ATRNL1: variants seen among roughly 807,000 people sequenced by gnomAD.
ATRNL1 encodes attractin-like protein 1.
Under a neutral mutation model 182.7 loss-of-function variants are expected in ATRNL1, and 95 were observed. The ratio of observed to expected loss-of-function variants is 0.52; its 90% CI spans 0.44 to 0.62. The LOEUF (loss-of-function observed/expected upper bound fraction) is 0.62, where lower values mean the gene tolerates loss of function less well. ATRNL1 is among the 20% of genes least tolerant of loss of function. The pLI, the probability that ATRNL1 is intolerant of heterozygous loss-of-function variation, is 0.00. For missense variants in ATRNL1, 1,471 were observed against 1,679.5 expected (o/e 0.88, Z 2.17); for synonymous variants, 576 against 568.3 (o/e 1.01, Z -0.19).
intron 27 of ATRNL1, among the ~76,000 whole-genome samples, chr10:115,731,800 T>C (rs951288102): frequency 2.6e-5 from 4 of 151,658 alleles, no homozygotes; most frequent in South Asian, 2.1e-4. Flanking sequence ...CCCCACATTT[T>C]TCTTCAGCCC....
At chr10:115,724,379 G>C (rs538924385) in intron 26 of ATRNL1, among the ~76,000 whole-genome samples, 38 of 152,148 alleles carry the variant, frequency 2.5e-4, no homozygotes, top group South Asian at 1.2e-3. Context: ...TGAAGAAAAT[G>C]GGCCTGTGGT....
intron 17 of ATRNL1, among the ~76,000 whole-genome samples, chr10:115,310,951 G>A (rs1853989369): frequency 6.6e-6 from 1 of 152,126 alleles, no homozygotes; most frequent in South Asian, 2.1e-4. Flanking sequence ...CAGGCATTTA[G>A]TACTATAAAC....
intron 9 of ATRNL1, among the ~76,000 whole-genome samples, chr10:115,221,152 C>G (rs1415358337): frequency 6.6e-6 from 1 of 152,164 alleles, no homozygotes; most frequent in African/African-American, 2.4e-5. Context: ...AGGTGGAGCT[C>G]AGGCAGTAAT....
intron 17 of ATRNL1, among the ~76,000 whole-genome samples, chr10:115,307,565 A>C (rs72836592): frequency 9.2e-5 from 14 of 152,128 alleles, no homozygotes; most frequent in African/African-American, 3.1e-4. Context: ...CCCGGCCTCC[A>C]CAGGTTTTTT....
At chr10:115,373,973 T>G (rs1293261755) in intron 19 of ATRNL1, among the ~76,000 whole-genome samples, 2 of 151,926 alleles carry the variant, frequency 1.3e-5, no homozygotes, top group Non-Finnish European at 2.9e-5. Context: ...TTTGGCAGAA[T>G]TCAGCAGGGA....
At chr10:115,282,212 TATATA>T (rs1340089506) in intron 14 of ATRNL1, among the ~76,000 whole-genome samples, 1 of 147,244 alleles carries the variant, frequency 6.8e-6, no homozygotes, top group Non-Finnish European at 1.5e-5. Context: ...TATATTATCC[TATATA>T]ATATAATTTT....
At chr10:115,522,032 T>C (rs1233154941) in intron 25 of ATRNL1, among the ~76,000 whole-genome samples, 1 of 152,140 alleles carries the variant, frequency 6.6e-6, no homozygotes, top group Non-Finnish European at 1.5e-5. Flanking sequence ...CTCAAACTCT[T>C]TGTTAGATTT....
At chr10:115,171,415 T>TTC in intron 8 of ATRNL1, 123 bp downstream of exon 8, 1 of 785,526 alleles carries the variant, frequency 1.3e-6, no homozygotes, top group Non-Finnish European at 1.8e-6. Flanking sequence ...AGCTGATAAT[T>TTC]AATAATTTTT....
intron 21 of ATRNL1, among the ~76,000 whole-genome samples, chr10:115,444,319 G>GT (rs1171584393): frequency 4.0e-5 from 6 of 149,616 alleles, no homozygotes; most frequent in African/African-American, 1.2e-4. Context: ...TTTTTCTTTT[G>GT]TTTTTTGGTG....
intron 26 of ATRNL1, among the ~76,000 whole-genome samples, chr10:115,578,122 A>G (rs1555005980): frequency 6.6e-6 from 1 of 151,768 alleles, no homozygotes; most frequent in Non-Finnish European, 1.5e-5. Context: ...CATGGTGAAT[A>G]ATCTTTTTGT....
chr10:115,192,845 CT>C (rs1191379283), intron 8 of ATRNL1, among the ~76,000 whole-genome samples: 3 of 151,550 alleles, frequency 2.0e-5, no homozygotes, highest in Admixed American at 2.0e-4. Context: ...AATGGGATTA[CT>C]TTTTTTTGGT....
intron 26 of ATRNL1, among the ~76,000 whole-genome samples, chr10:115,564,773 A>G (rs1853973117): frequency 6.6e-6 from 1 of 151,854 alleles, no homozygotes; most frequent in Non-Finnish European, 1.5e-5. Context: ...TTCTGAAGTT[A>G]TTTTATACAT....
At chr10:115,552,670 A>T (rs1156961816) in intron 26 of ATRNL1, among the ~76,000 whole-genome samples, 1 of 151,384 alleles carries the variant, frequency 6.6e-6, no homozygotes, top group Non-Finnish European at 1.5e-5. Context: ...TTCAGAGGAT[A>T]GTTAGTCATG....
chr10:115,765,281 G>A (rs746251897), intron 27 of ATRNL1, among the ~76,000 whole-genome samples: 12 of 152,142 alleles, frequency 7.9e-5, no homozygotes, highest in Non-Finnish European at 1.3e-4. Context: ...TTGCATTCCC[G>A]TGAGCAAAGA....
At chr10:115,606,969 T>C (rs1856907354) in intron 26 of ATRNL1, among the ~76,000 whole-genome samples, 1 of 151,980 alleles carries the variant, frequency 6.6e-6, no homozygotes, top group Non-Finnish European at 1.5e-5. Flanking sequence ...CAGTGATGCG[T>C]GATAAAGTAT....
chr10:115,447,606 G>A (rs10885712), intron 21 of ATRNL1, among the ~76,000 whole-genome samples: 33,592 of 151,632 alleles, frequency 0.22, 4,669 homozygotes, highest in Non-Finnish European at 0.31. Context: ...GCTAATATAT[G>A]CAGCCATAGT....
intron 15 of ATRNL1, among the ~76,000 whole-genome samples, chr10:115,295,056 G>T (rs1302185927): frequency 1.3e-5 from 2 of 152,134 alleles, no homozygotes; most frequent in Admixed American, 1.3e-4. Context: ...CAGTCACTTG[G>T]CTGACCTGGG....
At chr10:115,855,632 A>C (rs1410585527) in intron 28 of ATRNL1, among the ~76,000 whole-genome samples, 1 of 152,196 alleles carries the variant, frequency 6.6e-6, no homozygotes, top group Admixed American at 6.5e-5. Context: ...ATACTCCACA[A>C]ATGTATACTT....
At chr10:115,394,326 A>G (rs1844181363) in intron 19 of ATRNL1, among the ~76,000 whole-genome samples, 1 of 151,996 alleles carries the variant, frequency 6.6e-6, no homozygotes, top group Non-Finnish European at 1.5e-5. Context: ...TTTGAGTACA[A>G]AGCTCTGGCA....
Sources: allele counts gnomAD v4.1 joint callset (sites outside exome capture counted in the v4.1 genomes callset), GRCh38; gene constraint gnomAD v4.1.1; transcripts MANE v1.5; gene names NCBI Gene and HGNC (gene_info 2026-07-23, HGNC 2026-07-21).